Variants in OXR1 observed in about 807,000 individuals in gnomAD.
OXR1 encodes the protein oxidation resistance protein 1.
A neutral mutation model predicts 104.6 loss-of-function variants in OXR1; 41 were observed. The ratio of observed to expected loss-of-function variants is 0.39; its 90% CI spans 0.31 to 0.51. The LOEUF is 0.51. Among genes scored for constraint, OXR1 ranks in the 20% least tolerant of loss-of-function variants. OXR1 has a pLI of 0.77. For missense variants in OXR1, 955 were observed against 1,031.9 expected (o/e 0.93, Z 1.02); for synonymous variants, 348 against 348.4 (o/e 1.00, Z 0.01).
At chr8:106,542,543 A>G (rs920990405) in intron 3 of OXR1, among the ~76,000 whole-genome samples, 3 of 152,160 alleles carry the variant, frequency 2.0e-5, no homozygotes, top group Non-Finnish European at 2.9e-5. Context: ...ATATATGCAT[A>G]TATCACATAT....
chr8:106,666,683 G>GACC (rs1457330178), intron 3 of OXR1, among the ~76,000 whole-genome samples: 1 of 152,160 alleles, frequency 6.6e-6, no homozygotes, highest in Non-Finnish European at 1.5e-5. Context: ...TGGTGAAACT[G>GACC]ACCTACCAGG....
chr8:106,671,724 A>C (rs574565649), intron 3 of OXR1, among the ~76,000 whole-genome samples: 1 of 150,926 alleles, frequency 6.6e-6, no homozygotes, highest in South Asian at 2.1e-4. Context: ...AAGGACAGAA[A>C]ACCAAACACT....
chr8:106,509,927 A>T (rs937995121), intron 2 of OXR1, among the ~76,000 whole-genome samples: 4 of 152,072 alleles, frequency 2.6e-5, no homozygotes, highest in Non-Finnish European at 4.4e-5. Context: ...GCACACCACC[A>T]CGCCCCGCTA....
chr8:106,616,169 G>T (rs970437713), intron 3 of OXR1, among the ~76,000 whole-genome samples: 1 of 147,874 alleles, frequency 6.8e-6, no homozygotes, highest in Non-Finnish European at 1.5e-5. Context: ...AGCCTCCTGA[G>T]TAGCTGGGAC....
chr8:106,448,393 A>G (rs1349153369), intron 2 of OXR1, among the ~76,000 whole-genome samples: 1 of 152,228 alleles, frequency 6.6e-6, no homozygotes, highest in African/African-American at 2.4e-5. Context: ...CCTATCGTTT[A>G]TGAACACAGT....
chr8:106,687,919 C>T (rs1828899698), intron 6 of OXR1, among the ~76,000 whole-genome samples: 1 of 152,110 alleles, frequency 6.6e-6, no homozygotes, highest in Admixed American at 6.5e-5. Flanking sequence ...TACTTTATAG[C>T]TGGAAAATGA....
At chr8:106,447,965 G>T in intron 2 of OXR1, 1 of 1,535,394 alleles carries the variant, frequency 6.5e-7, no homozygotes, top group Non-Finnish European at 8.7e-7. Flanking sequence ...ACAGAACTCT[G>T]ATCAGATCCG....
chr8:106,491,852 T>G (rs1811108676), intron 2 of OXR1, among the ~76,000 whole-genome samples: 1 of 152,196 alleles, frequency 6.6e-6, no homozygotes, highest in African/African-American at 2.4e-5. Context: ...AGATCAATGC[T>G]TAACACATGC....
Position 106,685,037 on chromosome 8 carries a change from G to A in OXR1, c.525+678G>A, listed in dbSNP as rs540093760. Among the ~76,000 whole-genome samples the A allele has an allele frequency of 4.6e-5, 7 of 152,244 alleles. No individual in the cohort carries two copies. The Middle Eastern group carries it at 0.01, about 222-fold the overall frequency. The stretch of plus-strand genomic sequence containing the variant: ...TTTCTGCATGTGTGTGTGTTTGTGT[G>A]TGTGAGAAAGAGAGAGAGAAATGAG... On this transcript the variant is annotated intron_variant, in intron 6 of 16. Transcript: ENST00000517566.
intron 3 of OXR1, among the ~76,000 whole-genome samples, chr8:106,537,684 A>AAAGAAT (rs1814646601): frequency 6.6e-6 from 1 of 150,854 alleles, no homozygotes; most frequent in African/African-American, 2.4e-5. Flanking sequence ...AGTATTTTAA[A>AAAGAAT]AAGAAGAAGA....
chr8:106,443,924 A>G (rs1300272168), intron 2 of OXR1, among the ~76,000 whole-genome samples: 1 of 152,194 alleles, frequency 6.6e-6, no homozygotes, highest in African/African-American at 2.4e-5. Context: ...GAATGGGAGA[A>G]AATTTTTGAA....
At chr8:106,624,365 T>C (rs1385442443) in intron 3 of OXR1, among the ~76,000 whole-genome samples, 2 of 152,166 alleles carry the variant, frequency 1.3e-5, no homozygotes, top group Admixed American at 1.3e-4. Flanking sequence ...GCAATTAGCC[T>C]GGCTAACGAT....
rs199511838 is a variant in OXR1 at position 106,633,253 on chromosome 8, AAAC to A, written c.221-45948_221-45946del. Among the ~76,000 whole-genome samples the A allele has an allele frequency of 3.8e-3, 573 of 152,104 alleles. 4 individuals carry two copies. The highest frequency in any genetic ancestry group is 0.013 in the African/African-American group (543 of 41,508). Reference sequence around the variant, plus strand: ...TCAAAAAAACAAAACAAAACAAAACAAACAACAACAAAAAAAAAGCCAACCAAA... The same window carrying A: ...TCAAAAAAACAAAACAAAACAAAACAAACAACAAAAAAAAAGCCAACCAAA... On this transcript the variant is annotated intron_variant, in intron 3 of 16. Coordinates refer to ENST00000517566, the MANE Select transcript of OXR1 (RefSeq NM_001198533.2).
intron 16 of OXR1, among the ~76,000 whole-genome samples, chr8:106,750,531 T>C (rs28924702): frequency 0.011 from 1,604 of 152,014 alleles, 32 homozygotes; most frequent in African/African-American, 0.036. Flanking sequence ...GGTTTCTCCA[T>C]GTTGGTCAGG....
chr8:106,628,078 T>A (rs1375574284), intron 3 of OXR1, among the ~76,000 whole-genome samples: 2 of 152,158 alleles, frequency 1.3e-5, no homozygotes, highest in Non-Finnish European at 2.9e-5. Flanking sequence ...CCTTTAAAAA[T>A]CTTTGGAGAT....
chr8:106,424,815 A>G (rs1004371224), intron 2 of OXR1, among the ~76,000 whole-genome samples: 1 of 152,034 alleles, frequency 6.6e-6, no homozygotes, highest in African/African-American at 2.4e-5. Flanking sequence ...GAGTTAAAAA[A>G]TGGTGTTATT....
chr8:106,356,212 G>A (rs1389969602), intron 1 of OXR1, among the ~76,000 whole-genome samples: 1 of 152,150 alleles, frequency 6.6e-6, no homozygotes, highest in African/African-American at 2.4e-5. Flanking sequence ...TAAAGGGATG[G>A]CTCCCAGGTC....
intron 3 of OXR1, among the ~76,000 whole-genome samples, chr8:106,658,795 G>C (rs1825445177): frequency 6.6e-6 from 1 of 152,152 alleles, no homozygotes; most frequent in Non-Finnish European, 1.5e-5. Flanking sequence ...TTTGTGTTGT[G>C]TTGGCCGATT....
chr8:106,522,970 T>C (rs1290682030), intron 3 of OXR1: 1 of 152,274 alleles, frequency 6.6e-6, no homozygotes, highest in Non-Finnish European at 1.5e-5. Context: ...GGGGGCTAGC[T>C]GGGCTGTGTT....
Sources: allele counts gnomAD v4.1 joint callset (sites outside exome capture counted in the v4.1 genomes callset), GRCh38; gene constraint gnomAD v4.1.1; transcripts MANE v1.5; gene names NCBI Gene and HGNC (gene_info 2026-07-23, HGNC 2026-07-21).